The following SCGN variants were observed in gnomAD, a reference collection of about 807,000 sequenced individuals.
SCGN encodes the protein secretagogin, EF-hand calcium binding protein, also known as secretagogin.
SCGN carries 30 observed loss-of-function variants against 39.7 expected under a neutral mutation model. The observed-to-expected ratio is 0.76, with a 90% CI of 0.57 to 1.03. The LOEUF is 1.03. Among genes scored for constraint, SCGN ranks in the 50% least tolerant of loss-of-function variants. The pLI is 0.00. For synonymous variants in SCGN, 106 were observed against 114.1 expected (o/e 0.93, Z 0.45); for missense variants, 353 against 349.4 (o/e 1.01, Z -0.08).
intron 2 of SCGN, 38 bp from the exon 3 acceptor site, chr6:25,661,514 C>T (rs764938969): frequency 2.2e-6 from 3 of 1,366,276 alleles, no homozygotes; most frequent in Non-Finnish European, 3.1e-6. Context: ...CTTTGAGATT[C>T]CAGTGGCTTT....
chr6:25,658,712 T>C (rs1030358649), intron 2 of SCGN, among the ~76,000 whole-genome samples: 1 of 152,244 alleles, frequency 6.6e-6, no homozygotes, highest in African/African-American at 2.4e-5. Context: ...TTATTTATTA[T>C]CCATTTGGGA....
At chr6:25,699,156 C>T (rs2151384568) in intron 10 of SCGN, among the ~76,000 whole-genome samples, 1 of 152,264 alleles carries the variant, frequency 6.6e-6, no homozygotes, top group Admixed American at 6.5e-5. Context: ...CATAAAACTA[C>T]TCCAGTAATC....
At chr6:25,670,325 A>C (rs889497405) in intron 6 of SCGN, among the ~76,000 whole-genome samples, 1 of 152,256 alleles carries the variant, frequency 6.6e-6, no homozygotes, top group African/African-American at 2.4e-5. Context: ...AAGTTCAGTC[A>C]ACATTAGGTT....
At chr6:25,666,197 A>T (rs1450216613) in intron 4 of SCGN, among the ~76,000 whole-genome samples, 1 of 123,174 alleles carries the variant, frequency 8.1e-6, no homozygotes, top group African/African-American at 3.2e-5. Context: ...AAAAAAAAAA[A>T]ATACAAAAAC....
chr6:25,674,508 T>A (rs1469682674), intron 6 of SCGN, among the ~76,000 whole-genome samples: 1 of 152,238 alleles, frequency 6.6e-6, no homozygotes, highest in Non-Finnish European at 1.5e-5. Context: ...ACACCAAGCG[T>A]GAAATCACGT....
At position 25,652,392 on chromosome 6, in the gene SCGN, G is replaced by T. The variant is rs767316686; in HGVS notation, c.-12G>T. The T allele has an allele frequency of 1.2e-6, 2 of 1,613,686 alleles. No homozygotes were observed. Among genetic ancestry groups the T allele is most frequent in the Non-Finnish European group, 1.7e-6 (2 of 1,179,708 alleles). ...CCTTCCGCGCCGGTGCCTGGTCTTCGTCGTCAACACCATGGACAGCTCCCG... is the reference window on the plus strand; with the variant it reads ...CCTTCCGCGCCGGTGCCTGGTCTTCTTCGTCAACACCATGGACAGCTCCCG... On this transcript the variant is annotated 5_prime_UTR_variant, in exon 1 of 11. Transcript: ENST00000377961.
intron 7 of SCGN, among the ~76,000 whole-genome samples, chr6:25,685,264 G>A (rs2205936): frequency 2.0e-5 from 3 of 151,964 alleles, no homozygotes; most frequent in South Asian, 4.1e-4. Flanking sequence ...GCAGTGTGTC[G>A]CAGCAGCACT....
intron 9 of SCGN, among the ~76,000 whole-genome samples, chr6:25,690,748 A>G (rs1250015072): frequency 1.3e-5 from 2 of 152,242 alleles, no homozygotes; most frequent in African/African-American, 4.8e-5. Flanking sequence ...ATTAACACTT[A>G]TCTGAACTGA....
chr6:25,688,658 C>A (rs548044659), intron 7 of SCGN, among the ~76,000 whole-genome samples: 21 of 152,064 alleles, frequency 1.4e-4, no homozygotes, highest in Admixed American at 1.4e-3. Flanking sequence ...AAAAATTAGC[C>A]GGGACTGGTG....
chr6:25,688,345 C>T (rs1362030486), intron 7 of SCGN, among the ~76,000 whole-genome samples: 2 of 152,050 alleles, frequency 1.3e-5, no homozygotes, highest in Non-Finnish European at 2.9e-5. Context: ...CAGGTGTGTC[C>T]ACTGAAGTCT....
At chr6:25,696,116 CTT>C (rs1394426242) in intron 10 of SCGN, among the ~76,000 whole-genome samples, 3 of 152,268 alleles carry the variant, frequency 2.0e-5, no homozygotes, top group Admixed American at 2.0e-4. Flanking sequence ...GACAATACCT[CTT>C]GTTATTGATA....
Position 25,653,435 on chromosome 6 carries a change from A to T in SCGN, c.136A>T (p.Met46Leu), listed in dbSNP as rs1459314549. The T allele has an allele frequency of 1.9e-6, 3 of 1,612,900 alleles. No homozygotes were observed. In the African/African-American group the frequency reaches 4.0e-5, roughly 22 times the overall value. ...ELDAFFLHMLMKLGTDDTVMK... is the reference protein window; with the variant it reads ...ELDAFFLHMLLKLGTDDTVMK... ...CGATGCTTTCTTTCTCCACATGTTG[A>T]TGAAACTGGGTACTGATGTAAGTAC... is the stretch of plus-strand genomic sequence containing the variant. Residue 46 changes from methionine (M) to leucine (L), a missense_variant, in exon 2 of 11, where the codon ATG (methionine) becomes TTG (leucine). Met to Leu is a conservative substitution (Grantham distance 15, BLOSUM62 2). Coordinates refer to ENST00000377961, the MANE Select transcript of SCGN (RefSeq NM_006998.4).
At chr6:25,660,323 T>C (rs1347567803) in intron 2 of SCGN, among the ~76,000 whole-genome samples, 1 of 152,146 alleles carries the variant, frequency 6.6e-6, no homozygotes, top group African/African-American at 2.4e-5. Context: ...GAGGTCTCAG[T>C]GGAAAGGAAG....
intron 3 of SCGN, among the ~76,000 whole-genome samples, chr6:25,661,921 A>G (rs549979913): frequency 2.0e-5 from 3 of 152,310 alleles, no homozygotes; most frequent in Non-Finnish European, 4.4e-5. Flanking sequence ...GGGAATTGAA[A>G]TGATAGAGGC....
chr6:25,660,281 C>A (rs551796742), intron 2 of SCGN, among the ~76,000 whole-genome samples: 10 of 152,156 alleles, frequency 6.6e-5, no homozygotes, highest in African/African-American at 2.2e-4. Flanking sequence ...CTCTTTCCAC[C>A]GTCTCCTCTT....
chr6:25,653,522 A>G (rs1760172515), intron 2 of SCGN, 70 bp downstream of exon 2: 5 of 1,104,714 alleles, frequency 4.5e-6, no homozygotes, highest in South Asian at 1.3e-5. Context: ...TCTTATATTG[A>G]TTGGTACCTA....
chr6:25,682,938 C>T (rs1010679928), intron 7 of SCGN, among the ~76,000 whole-genome samples: 2 of 152,208 alleles, frequency 1.3e-5, no homozygotes, highest in Non-Finnish European at 2.9e-5. Context: ...GCAGCTACCT[C>T]AGCCAGGTTT....
At chr6:25,671,278 G>A (rs915592311) in intron 6 of SCGN, among the ~76,000 whole-genome samples, 8 of 152,154 alleles carry the variant, frequency 5.3e-5, no homozygotes, top group South Asian at 2.1e-4. Context: ...ACCAGGTTGC[G>A]TTCTTAAGCT....
intron 7 of SCGN, among the ~76,000 whole-genome samples, chr6:25,686,414 C>T (rs1008288425): frequency 4.6e-5 from 7 of 152,138 alleles, no homozygotes; most frequent in African/African-American, 1.7e-4. Context: ...TTATAATCAT[C>T]CTAGTGGGTG....
Sources: allele counts gnomAD v4.1 joint callset (sites outside exome capture counted in the v4.1 genomes callset), GRCh38; gene constraint gnomAD v4.1.1; transcripts MANE v1.5; gene names NCBI Gene and HGNC (gene_info 2026-07-23, HGNC 2026-07-21).